The following NRXN3 variants were observed in gnomAD, a reference collection of about 807,000 sequenced individuals.
NRXN3 encodes neurexin III.
NRXN3 carries 32 observed loss-of-function variants against 137.6 expected under a neutral mutation model. The observed-to-expected ratio is 0.23, with a 90% CI of 0.18 to 0.31. NRXN3 has a LOEUF of 0.31. Among genes scored for constraint, NRXN3 ranks in the 10% least tolerant of loss-of-function variants. NRXN3 has a pLI of 1.00. For missense variants in NRXN3, 1,574 were observed against 2,062.5 expected, an observed-to-expected ratio of 0.76 and a Z score of 4.59; for synonymous variants, 798 against 784.5, an observed-to-expected ratio of 1.02 and a Z score of -0.29.
At chr14:78,450,429 A>T (rs2094524240) in intron 4 of NRXN3, among the ~76,000 whole-genome samples, 1 of 152,198 alleles carries the variant, frequency 6.6e-6, no homozygotes, top group Non-Finnish European at 1.5e-5. Context: ...TGGGTAGGGC[A>T]GGAACTGTGC....
intron 16 of NRXN3, among the ~76,000 whole-genome samples, chr14:79,471,756 T>A (rs1343264233): frequency 1.3e-5 from 2 of 152,104 alleles, no homozygotes; most frequent in Non-Finnish European, 2.9e-5. Flanking sequence ...TGAAGGCATT[T>A]GTGTCCTAGA....
intron 4 of NRXN3, among the ~76,000 whole-genome samples, chr14:78,607,187 A>G (rs989342659): frequency 6.6e-6 from 1 of 152,332 alleles, no homozygotes; most frequent in Non-Finnish European, 1.5e-5. Context: ...GGACCAAATC[A>G]TGTCTTTATT....
At chr14:79,389,266 G>T (rs2094757525) in intron 15 of NRXN3, among the ~76,000 whole-genome samples, 1 of 152,206 alleles carries the variant, frequency 6.6e-6, no homozygotes, top group African/African-American at 2.4e-5. Context: ...GATCAGTTGG[G>T]TGGCATCTGG....
intron 15 of NRXN3, among the ~76,000 whole-genome samples, chr14:79,149,419 A>G (rs2059597860): frequency 6.6e-6 from 1 of 151,832 alleles, no homozygotes; most frequent in Admixed American, 6.6e-5. Context: ...CTGACTTATT[A>G]TTTGGAAGAA....
intron 20 of NRXN3, among the ~76,000 whole-genome samples, chr14:79,808,764 A>C (rs1370079580): frequency 1.3e-5 from 2 of 152,058 alleles, no homozygotes; most frequent in Non-Finnish European, 2.9e-5. Flanking sequence ...TTCAATTTTT[A>C]TTTTCATATG....
At chr14:78,275,746 T>G (rs1222112742) in intron 2 of NRXN3, among the ~76,000 whole-genome samples, 1 of 152,004 alleles carries the variant, frequency 6.6e-6, no homozygotes, top group Non-Finnish European at 1.5e-5. Context: ...GGAGCTCAAG[T>G]GGGAGTGGGG....
chr14:79,035,341 A>G (rs1197349957), intron 15 of NRXN3, among the ~76,000 whole-genome samples: 5 of 152,010 alleles, frequency 3.3e-5, no homozygotes, highest in Admixed American at 2.6e-4. Flanking sequence ...GCCTTGTCTC[A>G]TTTTTCATTT....
chr14:79,492,210 A>G (rs996760098), intron 16 of NRXN3, among the ~76,000 whole-genome samples: 1 of 152,230 alleles, frequency 6.6e-6, no homozygotes, highest in Non-Finnish European at 1.5e-5. Context: ...TTAAATTTTA[A>G]TACTGAGAAA....
intron 4 of NRXN3, among the ~76,000 whole-genome samples, chr14:78,356,127 C>T (rs2084272259): frequency 6.6e-6 from 1 of 152,176 alleles, no homozygotes; most frequent in African/African-American, 2.4e-5. Flanking sequence ...AAATTCTCAC[C>T]CACTTTGCCT....
intron 20 of NRXN3, among the ~76,000 whole-genome samples, chr14:79,857,182 C>T (rs1398868656): frequency 2.0e-5 from 3 of 151,928 alleles, no homozygotes; most frequent in Non-Finnish European, 2.9e-5. Flanking sequence ...TTAAAATAAA[C>T]AAGAAGCTTT....
At chr14:79,734,542 A>C (rs182430145) in intron 19 of NRXN3, among the ~76,000 whole-genome samples, 3 of 152,330 alleles carry the variant, frequency 2.0e-5, no homozygotes, top group Non-Finnish European at 4.4e-5. Flanking sequence ...TAGTTTCAAT[A>C]ATTGTATATT....
intron 3 of NRXN3, among the ~76,000 whole-genome samples, chr14:78,283,528 G>A (rs2074716533): frequency 6.8e-6 from 1 of 147,956 alleles, no homozygotes; most frequent in African/African-American, 2.5e-5. Flanking sequence ...TTTTTTTTGA[G>A]ATGGAGTTTC....
At position 78,559,886 on chromosome 14, in the gene NRXN3, C is replaced by T. The variant is rs72683530; in HGVS notation, c.758-85234C>T. ...TTGGTTTATGTGTCTCTTATGACAA[C>T]TAACATTGTTTTGCAATATGCAGTG... On this transcript the variant is annotated intron_variant, in intron 4 of 20. Coordinates refer to ENST00000335750, the MANE Select transcript of NRXN3 (RefSeq NM_001330195.2). 2.9e-3 allele frequency among the ~76,000 whole-genome samples: 438 copies of T among 152,340 alleles called. 1 individual carries two copies. Among genetic ancestry groups the T allele is most frequent in the Middle Eastern group, 0.01 (3 of 294 alleles).
intron 15 of NRXN3, among the ~76,000 whole-genome samples, chr14:78,989,089 G>T (rs183049126): frequency 1.3e-5 from 2 of 152,302 alleles, no homozygotes. Flanking sequence ...AAAGAGATTT[G>T]TTGAAAATCC....
intron 19 of NRXN3, among the ~76,000 whole-genome samples, chr14:79,713,891 G>A (rs2098814763): frequency 6.6e-6 from 1 of 151,892 alleles, no homozygotes; most frequent in Non-Finnish European, 1.5e-5. Flanking sequence ...ATATTTTTGA[G>A]AGGAGCAAGG....
intron 8 of NRXN3, among the ~76,000 whole-genome samples, chr14:78,730,171 T>G (rs1247669174): frequency 1.3e-5 from 2 of 152,134 alleles, no homozygotes; most frequent in Non-Finnish European, 2.9e-5. Flanking sequence ...AGTGGACAGG[T>G]GGGCAGGCAT....
chr14:78,635,250 G>T (rs1380422079), intron 4 of NRXN3, among the ~76,000 whole-genome samples: 1 of 152,002 alleles, frequency 6.6e-6, no homozygotes, highest in Non-Finnish European at 1.5e-5. Context: ...TTTCATCTTG[G>T]GCTAAAGAGA....
At chr14:78,398,784 G>T (rs2091767506) in intron 4 of NRXN3, among the ~76,000 whole-genome samples, 1 of 152,112 alleles carries the variant, frequency 6.6e-6, no homozygotes, top group Non-Finnish European at 1.5e-5. Flanking sequence ...AAAAATCCAG[G>T]CTCCCCATGT....
At chr14:78,297,380 A>G (rs2076448635) in intron 3 of NRXN3, among the ~76,000 whole-genome samples, 1 of 152,188 alleles carries the variant, frequency 6.6e-6, no homozygotes, top group Non-Finnish European at 1.5e-5. Flanking sequence ...TTTTGTTCTG[A>G]TGATTTTTCC....
Sources: gnomAD v4.1 joint callset for allele counts (sites outside exome capture counted in the v4.1 genomes callset) on GRCh38, gnomAD v4.1.1 for gene constraint, MANE v1.5 for transcripts, NCBI Gene and HGNC (gene_info 2026-07-23, HGNC 2026-07-21) for gene names.